Variants in PRIM2 observed in about 807,000 individuals in gnomAD.
The protein encoded by PRIM2 is DNA primase large subunit.
A neutral mutation model predicts 67.3 loss-of-function variants in PRIM2; 39 were observed. The observed-to-expected ratio is 0.58, with a 90% CI of 0.45 to 0.76. The LOEUF (loss-of-function observed/expected upper bound fraction) is 0.76. Among genes scored for constraint, PRIM2 ranks in the 30% least tolerant of loss-of-function variants. PRIM2 has a pLI of 0.00. For synonymous variants in PRIM2, 143 were observed against 198.7 expected (o/e 0.72, Z 2.36); for missense variants, 398 against 598.7 (o/e 0.66, Z 3.50).
intron 9 of PRIM2, among the ~76,000 whole-genome samples, chr6:57,533,626 A>G (rs1774937610): frequency 6.6e-6 from 1 of 152,000 alleles, no homozygotes; most frequent in African/African-American, 2.4e-5. Flanking sequence ...TCTCACTTCC[A>G]CTCATGTGAT....
chr6:57,248,646 T>C, the PRIM2 span, among the ~76,000 whole-genome samples: 1 of 152,162 alleles, frequency 6.6e-6, no homozygotes, highest in African/African-American at 2.4e-5. Flanking sequence ...TGATTGGTTG[T>C]TGGAGGGGAC....
At chr6:57,356,552 A>G (rs1221290057) in intron 5 of PRIM2, among the ~76,000 whole-genome samples, 3 of 152,210 alleles carry the variant, frequency 2.0e-5, no homozygotes, top group Admixed American at 6.5e-5. Context: ...AGAACTTGAA[A>G]TACTAGAGTC....
chr6:57,439,757 T>C (rs1448505709), intron 7 of PRIM2, among the ~76,000 whole-genome samples: 2 of 152,146 alleles, frequency 1.3e-5, no homozygotes, highest in African/African-American at 4.8e-5. Flanking sequence ...AAATATGTTA[T>C]TTCAGATTAT....
chr6:57,278,302 G>A, the PRIM2 span, among the ~76,000 whole-genome samples: 24 of 152,102 alleles, frequency 1.6e-4, no homozygotes, highest in Non-Finnish European at 3.1e-4. Context: ...ACTACAGCCT[G>A]GGTGATAGAG....
the PRIM2 span, among the ~76,000 whole-genome samples, chr6:57,261,218 T>C: frequency 3.1e-4 from 47 of 151,750 alleles, no homozygotes; most frequent in African/African-American, 1.1e-3. Flanking sequence ...AGTGGGAGAG[T>C]AAGGCATCCT....
At chr6:57,240,091 G>GTTTTTTTTTTTT in the PRIM2 span, among the ~76,000 whole-genome samples, 1 of 90,006 alleles carries the variant, frequency 1.1e-5, no homozygotes, top group African/African-American at 4.4e-5. Context: ...TCAATAATCT[G>GTTTTTTTTTTTT]TTTTTTTTTT....
intron 13 of PRIM2, among the ~76,000 whole-genome samples, chr6:57,643,484 A>C (rs1242692049): frequency 6.6e-5 from 10 of 152,190 alleles, no homozygotes; most frequent in Non-Finnish European, 1.0e-4. Context: ...CTGTACATGG[A>C]GGAGATTGAA....
At position 57,614,772 on chromosome 6, in the gene PRIM2, C is replaced by A. The variant is rs1374224637; in HGVS notation, c.1230+8315C>A. Among the ~76,000 whole-genome samples, 204 of 152,304 alleles carry A rather than the reference C, an allele frequency of 1.3e-3. 1 individual carries two copies. The East Asian group carries it at 0.018, about 13-fold the overall frequency. ...GGCTGAGGCAGGAGAATGGTGTGAA[C>A]CTGGGAGGTGGAGCTTGCAGTGAGC... On this transcript the variant is annotated intron_variant, in intron 12 of 13. Coordinates refer to ENST00000615550, the MANE Select transcript of PRIM2 (RefSeq NM_000947.5).
At chr6:57,275,728 A>G in the PRIM2 span, among the ~76,000 whole-genome samples, 2 of 152,168 alleles carry the variant, frequency 1.3e-5, no homozygotes, top group African/African-American at 4.8e-5. Flanking sequence ...CTCCTGAGCC[A>G]TTGAGTTCTT....
rs1358739106 is a variant in PRIM2 at position 57,592,868 on chromosome 6, G to A, written c.1021-8225G>A. ...GAAAGACTTTATTCTAAGGAAGACCGTGCAATGCACTGTCCATGTCAGCAA... is the reference window on the plus strand; with the variant it reads ...GAAAGACTTTATTCTAAGGAAGACCATGCAATGCACTGTCCATGTCAGCAA... On this transcript the variant is annotated intron_variant, in intron 10 of 13. Transcript: ENST00000615550. 3.3e-3 allele frequency among the ~76,000 whole-genome samples: 508 copies of A among 151,966 alleles called. 6 individuals are homozygous for A. The highest frequency in any genetic ancestry group is 0.02 in the East Asian group (103 of 5,168).
At chr6:57,455,229 G>T (rs947480278) in intron 7 of PRIM2, among the ~76,000 whole-genome samples, 1 of 152,222 alleles carries the variant, frequency 6.6e-6, no homozygotes, top group African/African-American at 2.4e-5. Context: ...TTTGGAATAA[G>T]TGAGGTGTGG....
At chr6:57,424,977 T>C (rs1771574566) in intron 7 of PRIM2, among the ~76,000 whole-genome samples, 1 of 152,162 alleles carries the variant, frequency 6.6e-6, no homozygotes, top group Non-Finnish European at 1.5e-5. Context: ...AAGTGTAGGA[T>C]AGAGGAATAC....
the PRIM2 span, among the ~76,000 whole-genome samples, chr6:57,266,269 T>C: frequency 6.6e-6 from 1 of 152,210 alleles, no homozygotes; most frequent in Admixed American, 6.5e-5. Context: ...CATCTCAATG[T>C]GAAAACTTGG....
intron 7 of PRIM2, among the ~76,000 whole-genome samples, chr6:57,420,739 G>T (rs1265323675): frequency 6.6e-6 from 1 of 152,168 alleles, no homozygotes; most frequent in Non-Finnish European, 1.5e-5. Flanking sequence ...TGTATTTTGG[G>T]GTGAATTGGA....
intron 10 of PRIM2, among the ~76,000 whole-genome samples, chr6:57,561,431 C>T (rs1775627150): frequency 6.6e-6 from 1 of 152,146 alleles, no homozygotes. Flanking sequence ...GGGGTTTCAC[C>T]GTTGTTGCCC....
At chr6:57,473,848 A>G (rs1773397787) in intron 7 of PRIM2, among the ~76,000 whole-genome samples, 1 of 152,216 alleles carries the variant, frequency 6.6e-6, no homozygotes, top group African/African-American at 2.4e-5. Flanking sequence ...CTAAACTTGA[A>G]TAACTTTGCC....
At chr6:57,589,849 C>T (rs1776256420) in intron 10 of PRIM2, among the ~76,000 whole-genome samples, 6 of 152,086 alleles carry the variant, frequency 3.9e-5, no homozygotes, top group Admixed American at 3.9e-4. Context: ...ATTAAACAGA[C>T]AGAAGAGAGA....
chr6:57,389,231 A>G (rs1490121207), intron 7 of PRIM2, among the ~76,000 whole-genome samples: 1 of 152,128 alleles, frequency 6.6e-6, no homozygotes, highest in Admixed American at 6.5e-5. Flanking sequence ...TAGCCTCCTA[A>G]GTAGCTGGAG....
chr6:57,412,887 A>AT, intron 7 of PRIM2, among the ~76,000 whole-genome samples: 1 of 152,294 alleles, frequency 6.6e-6, no homozygotes, highest in Middle Eastern at 3.4e-3. Context: ...GTATTAAATA[A>AT]TTTCATTACG....
Sources: gnomAD v4.1 joint callset for allele counts (sites outside exome capture counted in the v4.1 genomes callset) on GRCh38, gnomAD v4.1.1 for gene constraint, MANE v1.5 for transcripts, NCBI Gene and HGNC (gene_info 2026-07-23, HGNC 2026-07-21) for gene names.